Variants in NHEJ1 observed in about 807,000 individuals in gnomAD.
The protein encoded by NHEJ1 is non-homologous end-joining factor 1.
In NHEJ1, 22 loss-of-function variants were observed where a neutral mutation model predicts 39.4. That is an observed-to-expected ratio of 0.56 (90% CI 0.40 to 0.80). The LOEUF (loss-of-function observed/expected upper bound fraction) is 0.80, where lower values mean the gene tolerates loss of function less well. NHEJ1 is among the 30% of genes least tolerant of loss of function. NHEJ1 has a pLI of 0.00. For missense variants in NHEJ1, 329 were observed against 357.1 expected (o/e 0.92, Z 0.63); for synonymous variants, 154 against 135.6 (o/e 1.14, Z -0.94).
chr2:219,075,789 A>C lies in NHEJ1; in HGVS notation c.*592T>G, dbSNP rs937517817. The C allele has an allele frequency of 2.0e-5, 3 of 153,444 alleles. No individual in the cohort carries two copies. The highest frequency in any genetic ancestry group is 4.4e-5 in the Non-Finnish European group (3 of 68,870). The allele number at this position is 153,444 out of a possible 1,614,324, so 9.5% of individuals were successfully genotyped here. On this transcript the variant is annotated 3_prime_UTR_variant, in exon 8 of 8. Coordinates refer to ENST00000356853, the MANE Select transcript of NHEJ1 (RefSeq NM_024782.3). ...TATCTGTCTTGTGCCCACCATCAAG[A>C]GAGTTCTTGAGATCAAAGTTTCCAA...
intron 5 of NHEJ1, among the ~76,000 whole-genome samples, chr2:219,133,260 T>C (rs1478501201): frequency 6.6e-6 from 1 of 152,236 alleles, no homozygotes; most frequent in African/African-American, 2.4e-5. Flanking sequence ...GTGAAGGATA[T>C]AAGAGAACGC....
intron 5 of NHEJ1, among the ~76,000 whole-genome samples, chr2:219,138,417 C>T (rs551410241): frequency 2.2e-4 from 34 of 152,338 alleles, no homozygotes; most frequent in African/African-American, 7.9e-4. Context: ...CATCTATTTA[C>T]ATGTAAGGCT....
Position 219,076,151 on chromosome 2 carries a change from C to A in NHEJ1, c.*230G>T. On this transcript the variant is annotated 3_prime_UTR_variant, in exon 8 of 8. Transcript: ENST00000356853. ...TGGTAGAAACCTGAACCTACAGAAC[C>A]TCCACCAAAAGAGAGGAGAGCACGG... The A allele has an allele frequency of 1.1e-6, 1 of 908,620 alleles. No homozygotes were observed. The highest frequency in any genetic ancestry group is 2.8e-5 in the Admixed American group (1 of 35,370). 56.3% of individuals were successfully genotyped at this position (908,620 alleles called of 1,614,324 possible). A position where few individuals can be genotyped will look rare whatever the true frequency, so the allele number is the denominator to read the frequency against.
At chr2:219,117,438 G>A (rs1257714080) in intron 5 of NHEJ1, among the ~76,000 whole-genome samples, 1 of 152,192 alleles carries the variant, frequency 6.6e-6, no homozygotes, top group African/African-American at 2.4e-5. Flanking sequence ...ACAAAGAGAT[G>A]CACACACAGA....
intron 5 of NHEJ1, among the ~76,000 whole-genome samples, chr2:219,102,176 G>T (rs924153379): frequency 6.6e-6 from 1 of 152,084 alleles, no homozygotes. Context: ...ATTTTATAGA[G>T]TACATTCCCA....
intron 3 of NHEJ1, among the ~76,000 whole-genome samples, 159 bp from the exon 4 acceptor site, chr2:219,147,954 A>C (rs1485053211): frequency 1.3e-5 from 2 of 152,240 alleles, no homozygotes; most frequent in African/African-American, 4.8e-5. Context: ...ACACAAATAC[A>C]ATAATTAAAT....
At chr2:219,158,898 G>T in intron 1 of NHEJ1, 1 of 179,066 alleles carries the variant, frequency 5.6e-6, no homozygotes. Flanking sequence ...CCCTAAAACA[G>T]GTTCTTAATC....
chr2:219,131,119 G>C (rs1301332979), intron 5 of NHEJ1, among the ~76,000 whole-genome samples: 1 of 152,104 alleles, frequency 6.6e-6, no homozygotes, highest in Non-Finnish European at 1.5e-5. Context: ...ACAAACTGCA[G>C]CTTGACATTC....
intron 5 of NHEJ1, among the ~76,000 whole-genome samples, chr2:219,105,758 T>C (rs944838322): frequency 1.3e-5 from 2 of 152,226 alleles, no homozygotes; most frequent in Non-Finnish European, 2.9e-5. Flanking sequence ...CTGATCCCTT[T>C]CTACTGCCTA....
chr2:219,114,154 G>C (rs917324845), intron 5 of NHEJ1, among the ~76,000 whole-genome samples: 1 of 152,212 alleles, frequency 6.6e-6, no homozygotes, highest in African/African-American at 2.4e-5. Context: ...TTGTCATCCA[G>C]CAATTAGAAG....
At chr2:219,150,938 A>G (rs755327732) in intron 3 of NHEJ1, among the ~76,000 whole-genome samples, 1 of 151,724 alleles carries the variant, frequency 6.6e-6, no homozygotes, top group Non-Finnish European at 1.5e-5. Context: ...CCTGGGTAAC[A>G]GGGTGAGACT....
intron 5 of NHEJ1, among the ~76,000 whole-genome samples, chr2:219,082,395 A>C (rs59821981): frequency 0.016 from 2,450 of 152,232 alleles, 69 homozygotes; most frequent in African/African-American, 0.056. Flanking sequence ...ATGGGGTCTA[A>C]ACTCACTCCC....
At chr2:219,159,675 C>T (rs1949909840) in intron 1 of NHEJ1, among the ~76,000 whole-genome samples, 1 of 149,640 alleles carries the variant, frequency 6.7e-6, no homozygotes, top group African/African-American at 2.5e-5. Context: ...ATGGTGTTTC[C>T]GTCACATTTC....
intron 1 of NHEJ1, among the ~76,000 whole-genome samples, chr2:219,159,552 C>CAG (rs1949898876): frequency 1.5e-5 from 1 of 66,386 alleles, no homozygotes; most frequent in African/African-American, 7.2e-5. Context: ...TATATATATG[C>CAG]ATATATATAT....
chr2:219,158,259 G>C lies in NHEJ1; in HGVS notation c.104C>G (p.Ala35Gly). The change falls in exon 2 of 8, where the codon GCC becomes GGC. Residue 35 changes from alanine to glycine, a missense_variant. By Grantham distance (60) the Ala-to-Gly change is moderately conservative. Coordinates refer to ENST00000356853, the MANE Select transcript of NHEJ1 (RefSeq NM_024782.3). ...AKVFITKQGY[A>G]LLVSDLQQVW... ...CTGTTGAAGATCTGAAACCAACAAG[G>C]CATAGCCCTGCTTGGTGATAAAAAC... The C allele has an allele frequency of 6.2e-7, 1 of 1,614,138 alleles. No homozygotes were observed. The highest frequency in any genetic ancestry group is 8.5e-7 in the Non-Finnish European group (1 of 1,180,028).
chr2:219,131,744 G>A (rs868651214), intron 5 of NHEJ1, among the ~76,000 whole-genome samples: 4 of 152,206 alleles, frequency 2.6e-5, no homozygotes, highest in African/African-American at 9.7e-5. Context: ...GTCTAGAGGT[G>A]TACAAGACTA....
chr2:219,159,982 G>C (rs1376145290), intron 1 of NHEJ1, among the ~76,000 whole-genome samples: 2 of 152,068 alleles, frequency 1.3e-5, no homozygotes, highest in Non-Finnish European at 2.9e-5. Flanking sequence ...CCTATAAAAA[G>C]GCCTGACACA....
At chr2:219,092,655 T>C (rs1401397890) in intron 5 of NHEJ1, among the ~76,000 whole-genome samples, 1 of 152,228 alleles carries the variant, frequency 6.6e-6, no homozygotes, top group Non-Finnish European at 1.5e-5. Context: ...CACGAAACCC[T>C]GAACTCACGA....
rs1008343141 is a variant in NHEJ1 at position 219,071,590 on chromosome 2, CAATTCT to C, written c.*4785_*4790del. On this transcript the variant is annotated 3_prime_UTR_variant, in exon 8 of 8. Transcript: ENST00000356853. ...CCAGCAGCCCCTGAACCCTACTCCC[CAATTCT>C]AACTCTGCTACTGTTTTGGGCCCCA... Among the ~76,000 whole-genome samples the C allele has an allele frequency of 1.3e-5, 2 of 152,182 alleles. No homozygotes were observed. Among genetic ancestry groups the C allele is most frequent in the African/African-American group, 4.8e-5 (2 of 41,444 alleles).
Sources: allele counts gnomAD v4.1 joint callset (sites outside exome capture counted in the v4.1 genomes callset), GRCh38; gene constraint gnomAD v4.1.1; transcripts MANE v1.5; gene names NCBI Gene and HGNC (gene_info 2026-07-23, HGNC 2026-07-21).